LRPPRC: variants seen among roughly 807,000 people sequenced by gnomAD.
LRPPRC encodes the protein leucine-rich PPR motif-containing protein, mitochondrial.
A neutral mutation model predicts 180.3 loss-of-function variants in LRPPRC; 120 were observed. The observed-to-expected ratio is 0.67, with a 90% CI of 0.57 to 0.77. The LOEUF (loss-of-function observed/expected upper bound fraction) is 0.77, where lower values mean the gene tolerates loss of function less well. Ranked by LOEUF, LRPPRC falls within the 30% of genes least tolerant of loss-of-function variation. The pLI, the probability that LRPPRC is intolerant of heterozygous loss-of-function variation, is 0.00. For missense variants in LRPPRC, 2,012 were observed against 1,657.2 expected (o/e 1.21, Z -3.72); for synonymous variants, 723 against 600.0 (o/e 1.21, Z -3.00).
At chr2:43,972,401 T>G (rs1673860360) in intron 11 of LRPPRC, among the ~76,000 whole-genome samples, 1 of 152,222 alleles carries the variant, frequency 6.6e-6, no homozygotes. Flanking sequence ...AGTAATCAAT[T>G]CAACTGTGAC....
rs917817722 is a variant in LRPPRC, at chr2:43,888,541, A to G, written c.*59T>C. 2.7e-6 allele frequency: 3 copies of G among 1,098,428 alleles called. No individual in the cohort carries two copies. In the African/African-American group the frequency reaches 4.6e-5, roughly 17 times the overall value. The allele number at this position is 1,098,428 out of a possible 1,614,324, so 68.0% of individuals were successfully genotyped here. On this transcript the variant is annotated 3_prime_UTR_variant, in exon 38 of 38. Coordinates refer to ENST00000260665, the MANE Select transcript of LRPPRC (RefSeq NM_133259.4). ...TTATTTTTCCCTCAGATATACTTCA[A>G]AATAACATGTAGACACAGAATCACA...
chr2:43,988,571 C>T (rs11124960), intron 1 of LRPPRC, among the ~76,000 whole-genome samples: 137,927 of 152,252 alleles, frequency 0.91, 63,088 homozygotes, highest in African/African-American at 0.97. Context: ...GCTCAATAAA[C>T]AATAGCTGTC....
chr2:43,941,923 A>G (rs151160692), intron 23 of LRPPRC, among the ~76,000 whole-genome samples: 1 of 152,208 alleles, frequency 6.6e-6, no homozygotes, highest in Non-Finnish European at 1.5e-5. Context: ...TGAAAGTAGT[A>G]AAACACCAAT....
In LRPPRC at chr2:43,960,600, G is replaced by C. The variant is rs1673307831; in HGVS notation, c.1523C>G (p.Ser508Cys). The C allele has an allele frequency of 3.1e-6, 5 of 1,604,484 alleles. No individual in the cohort carries two copies. Among genetic ancestry groups the C allele is most frequent in the Non-Finnish European group, 3.4e-6 (4 of 1,172,548 alleles). ...TGCTTCACTTCTCAATCCAGCTTGAGAAAACATATCACTATCAGACAGACA... is the reference window on the plus strand; with the variant it reads ...TGCTTCACTTCTCAATCCAGCTTGACAAAACATATCACTATCAGACAGACA... ...NGCLSDSDMF[S>C]QAGLRSEAAN... The change falls in exon 13 of 38, where the codon TCT becomes TGT. Residue 508 changes from serine (S) to cysteine (C), a missense_variant. Transcript: ENST00000260665.
intron 1 of LRPPRC, among the ~76,000 whole-genome samples, chr2:43,985,065 A>G (rs887633258): frequency 4.6e-5 from 7 of 152,032 alleles, no homozygotes; most frequent in Admixed American, 2.6e-4. Flanking sequence ...CATTAAAAAA[A>G]AAAAAGATAT....
chr2:43,888,434 A>G lies in LRPPRC; in HGVS notation c.*166T>C, dbSNP rs1670348632. The G allele has an allele frequency of 3.5e-6, 2 of 566,088 alleles. No individual in the cohort carries two copies. Among genetic ancestry groups the G allele is most frequent in the African/African-American group, 1.9e-5 (1 of 52,682 alleles). 35.1% of individuals were successfully genotyped at this position (566,088 alleles called of 1,614,324 possible). On this transcript the variant is annotated 3_prime_UTR_variant, in exon 38 of 38. Coordinates refer to ENST00000260665, the MANE Select transcript of LRPPRC (RefSeq NM_133259.4). ...AGAGAAAAAAACTCCAAAAATGTCC[A>G]ATAACCAAGTGCACAGAGTTATGGT...
Position 43,887,970 on chromosome 2 carries a change from C to T in LRPPRC, c.*630G>A, listed in dbSNP as rs1670330213. The T allele has an allele frequency of 6.5e-6, 1 of 153,432 alleles. No homozygotes were observed. The highest frequency in any genetic ancestry group is 2.4e-5 in the African/African-American group (1 of 41,428). 9.5% of individuals were successfully genotyped at this position (153,432 alleles called of 1,614,324 possible). A position where few individuals can be genotyped will look rare whatever the true frequency, so the allele number is the denominator to read the frequency against. On this transcript the variant is annotated 3_prime_UTR_variant, in exon 38 of 38. Transcript: ENST00000260665. ...CAGAGACGCTCTATGAACAGAGGTGCTTGAAGCCACAGTGGCAGAAGGGAA... is the reference window on the plus strand; with the variant it reads ...CAGAGACGCTCTATGAACAGAGGTGTTTGAAGCCACAGTGGCAGAAGGGAA...
rs1279013600 is a variant in LRPPRC, at chr2:43,934,875, G to A, written c.2508C>T (p.Gly836=). Residue 836 remains glycine, a synonymous_variant, in exon 24 of 38, where the codon GGC becomes GGT. Coordinates refer to ENST00000260665, the MANE Select transcript of LRPPRC (RefSeq NM_133259.4). ...CGACCTCAAGAGCAGTAGATAGGTCGCCCCTTAGAAACAAAAAAATTAGCA... is the reference window on the plus strand; with the variant it reads ...CGACCTCAAGAGCAGTAGATAGGTCACCCCTTAGAAACAAAAAAATTAGCA... ...FPLVTVHLEK[G]DLSTALEVAI... 2.2e-5 allele frequency: 35 copies of A among 1,612,354 alleles called. No homozygotes were observed. The highest frequency in any genetic ancestry group is 5.0e-5 in the Admixed American group (3 of 59,920).
At chr2:43,897,262 G>C (rs964385843) in intron 34 of LRPPRC, among the ~76,000 whole-genome samples, 3 of 151,926 alleles carry the variant, frequency 2.0e-5, no homozygotes, top group African/African-American at 7.3e-5. Context: ...GCTTGAGAAA[G>C]AGACCAAAGT....
At chr2:43,925,745 G>C in intron 26 of LRPPRC, 148 bp downstream of exon 26, 1 of 703,428 alleles carries the variant, frequency 1.4e-6, no homozygotes, top group Non-Finnish European at 2.6e-6. Flanking sequence ...TAAGAAATAA[G>C]CCATTGCTTA....
At chr2:43,975,291 G>A (rs1377894666) in intron 6 of LRPPRC, 74 bp from the exon 7 acceptor site, 1 of 1,271,058 alleles carries the variant, frequency 7.9e-7, no homozygotes. Flanking sequence ...TAAAACATAT[G>A]CTTATTAAAA....
At chr2:43,947,583 T>C in intron 19 of LRPPRC, 148 bp downstream of exon 19, 1 of 666,668 alleles carries the variant, frequency 1.5e-6, no homozygotes, top group Non-Finnish European at 2.7e-6. Context: ...TTGATTTTTC[T>C]GAGGTGGGGA....
At chr2:43,952,696 C>T (rs1264054163) in intron 14 of LRPPRC, among the ~76,000 whole-genome samples, 1 of 152,114 alleles carries the variant, frequency 6.6e-6, no homozygotes, top group Non-Finnish European at 1.5e-5. Context: ...AAAGACAATC[C>T]TGCATGTACG....
At chr2:43,985,389 G>A (rs367843847) in intron 1 of LRPPRC, among the ~76,000 whole-genome samples, 3 of 152,248 alleles carry the variant, frequency 2.0e-5, no homozygotes, top group South Asian at 4.2e-4. Context: ...TTCACTGTGT[G>A]TATACATGTT....
chr2:43,963,740 G>A (rs1333371157), intron 11 of LRPPRC, 34 bp from the exon 12 acceptor site: 1 of 1,099,746 alleles, frequency 9.1e-7, no homozygotes, highest in Non-Finnish European at 1.4e-6. Context: ...CAGAGATAGA[G>A]AACTTAGAAT....
chr2:43,959,455 A>G (rs775273846), intron 13 of LRPPRC, among the ~76,000 whole-genome samples: 3 of 152,178 alleles, frequency 2.0e-5, no homozygotes, highest in Admixed American at 1.3e-4. Context: ...CATTAATGAG[A>G]GCTTAACTGT....
chr2:43,914,427 G>A (rs1009460276), intron 29 of LRPPRC, among the ~76,000 whole-genome samples: 1 of 152,130 alleles, frequency 6.6e-6, no homozygotes, highest in African/African-American at 2.4e-5. Flanking sequence ...AAAAGAAACA[G>A]GAAACTCTGA....
intron 12 of LRPPRC, chr2:43,963,386 G>C: frequency 6.5e-6 from 4 of 618,960 alleles, no homozygotes; most frequent in Non-Finnish European, 1.1e-5. Context: ...AAAGGTTGCA[G>C]TGAGCCAAGA....
chr2:43,948,839 C>T (rs982289389), intron 16 of LRPPRC, among the ~76,000 whole-genome samples: 3 of 151,838 alleles, frequency 2.0e-5, no homozygotes, highest in Admixed American at 6.6e-5. Flanking sequence ...CCAAATCACA[C>T]GTAATAAGAA....
Sources: allele counts gnomAD v4.1 joint callset (sites outside exome capture counted in the v4.1 genomes callset), GRCh38; gene constraint gnomAD v4.1.1; transcripts MANE v1.5; gene names NCBI Gene and HGNC (gene_info 2026-07-23, HGNC 2026-07-21).